The following COL25A1 variants were observed in gnomAD, a reference collection of about 807,000 sequenced individuals.
COL25A1 encodes collagen alpha-1(XXV) chain.
In COL25A1, 103 loss-of-function variants were observed where a neutral mutation model predicts 128.4. The ratio of observed to expected loss-of-function variants is 0.80; its 90% CI spans 0.68 to 0.94. COL25A1 has a LOEUF of 0.94. Ranked by LOEUF, COL25A1 falls within the 40% of genes least tolerant of loss-of-function variation. The probability of loss-of-function intolerance (pLI) is 0.00; values close to 1 mark genes in which losing one functional copy is unlikely to be tolerated. For synonymous variants in COL25A1, 279 were observed against 277.2 expected (o/e 1.01, Z -0.06); for missense variants, 745 against 840.0 (o/e 0.89, Z 1.40).
intron 19 of COL25A1, among the ~76,000 whole-genome samples, chr4:108,872,177 A>G (rs1195815120): frequency 6.6e-6 from 1 of 152,174 alleles, no homozygotes; most frequent in Non-Finnish European, 1.5e-5. Flanking sequence ...GCACTTTGGG[A>G]GGCCAAGGAG....
chr4:109,062,604 A>C (rs1560619821), intron 3 of COL25A1, among the ~76,000 whole-genome samples: 1 of 148,972 alleles, frequency 6.7e-6, no homozygotes, highest in Non-Finnish European at 1.5e-5. Flanking sequence ...ATTCAATAGA[A>C]TACATTTTCA....
At chr4:109,261,446 G>A (rs1008312422) in intron 3 of COL25A1, among the ~76,000 whole-genome samples, 9 of 152,160 alleles carry the variant, frequency 5.9e-5, no homozygotes, top group Admixed American at 1.3e-4. Flanking sequence ...GAACCTGGGT[G>A]AGTGTCAGGG....
intron 5 of COL25A1, among the ~76,000 whole-genome samples, chr4:109,039,381 A>G (rs1014938295): frequency 2.6e-5 from 4 of 152,148 alleles, no homozygotes; most frequent in Non-Finnish European, 4.4e-5. Context: ...CTTGAACTTT[A>G]TATTTCAGCT....
At chr4:109,244,132 T>TAGAA in intron 3 of COL25A1, among the ~76,000 whole-genome samples, 1 of 134,372 alleles carries the variant, frequency 7.4e-6, no homozygotes, top group Non-Finnish European at 1.6e-5. Context: ...TAAAGAGAAA[T>TAGAA]AGAAAGAAAG....
intron 3 of COL25A1, among the ~76,000 whole-genome samples, chr4:109,272,593 C>G (rs1782267436): frequency 6.6e-6 from 1 of 152,076 alleles, no homozygotes; most frequent in South Asian, 2.1e-4. Context: ...CAGAGTTTTT[C>G]CATCAAATGG....
At chr4:108,988,668 C>A (rs367589492) in intron 6 of COL25A1, among the ~76,000 whole-genome samples, 5 of 152,330 alleles carry the variant, frequency 3.3e-5, no homozygotes, top group African/African-American at 1.2e-4. Flanking sequence ...TTACTCCCCC[C>A]ACATTTTCAA....
At chr4:109,146,352 G>C (rs1323950882) in intron 3 of COL25A1, among the ~76,000 whole-genome samples, 1 of 152,112 alleles carries the variant, frequency 6.6e-6, no homozygotes, top group African/African-American at 2.4e-5. Context: ...AATCATAAAA[G>C]CATCCTGGAG....
intron 3 of COL25A1, among the ~76,000 whole-genome samples, chr4:109,114,920 A>T (rs1432474664): frequency 6.6e-6 from 1 of 152,120 alleles, no homozygotes; most frequent in Non-Finnish European, 1.5e-5. Context: ...AGTAAAGAAC[A>T]GCTTCAATAA....
intron 5 of COL25A1, among the ~76,000 whole-genome samples, chr4:109,011,665 T>C (rs1276055412): frequency 3.3e-5 from 5 of 152,244 alleles, no homozygotes; most frequent in Non-Finnish European, 4.4e-5. Flanking sequence ...TATAAATTTA[T>C]AGAAAAGCCA....
chr4:109,267,045 C>T (rs533330422), intron 3 of COL25A1, among the ~76,000 whole-genome samples: 1 of 152,254 alleles, frequency 6.6e-6, no homozygotes, highest in Admixed American at 6.5e-5. Flanking sequence ...TACTGGTGTG[C>T]ATTTTTTTAA....
chr4:109,109,111 T>C (rs113526102), intron 3 of COL25A1, among the ~76,000 whole-genome samples: 220 of 143,346 alleles, frequency 1.5e-3, no homozygotes, highest in African/African-American at 5.3e-3. Flanking sequence ...TTCTTTCTTT[T>C]GACAGAGACT....
chr4:109,014,665 C>T lies in COL25A1; in HGVS notation c.421-4290G>A, dbSNP rs907283633. Among the ~76,000 whole-genome samples the T allele has an allele frequency of 3.6e-4, 55 of 152,092 alleles. 1 individual carries two copies. The highest frequency in any genetic ancestry group is 2.9e-5 in the Non-Finnish European group (2 of 68,030). On this transcript the variant is annotated intron_variant, in intron 5 of 37. Transcript: ENST00000399132. ...ATGACTGTTTACTACTAAAAACTGA[C>T]ATCTATATAGGCATTGAAGAATTTA...
intron 3 of COL25A1, among the ~76,000 whole-genome samples, chr4:109,109,283 C>A (rs75912418): frequency 0.027 from 4,104 of 152,212 alleles, 206 homozygotes; most frequent in African/African-American, 0.093. Context: ...AACTGTCTAC[C>A]CAGAAATCGG....
intron 15 of COL25A1, among the ~76,000 whole-genome samples, chr4:108,898,776 T>G (rs1314124838): frequency 6.6e-6 from 1 of 152,150 alleles, no homozygotes; most frequent in East Asian, 1.9e-4. Flanking sequence ...TGAAACCCGT[T>G]TAAAAGCTTA....
chr4:109,018,560 T>G (rs574410222), intron 5 of COL25A1, among the ~76,000 whole-genome samples: 2 of 152,188 alleles, frequency 1.3e-5, no homozygotes, highest in Non-Finnish European at 2.9e-5. Context: ...TTACAAGAGT[T>G]GCAGTTTGAC....
At chr4:108,866,473 G>A (rs539065866) in intron 20 of COL25A1, among the ~76,000 whole-genome samples, 6 of 152,246 alleles carry the variant, frequency 3.9e-5, no homozygotes, top group South Asian at 2.1e-4. Context: ...GATTACAGGC[G>A]TAAGCCACCA....
intron 3 of COL25A1, among the ~76,000 whole-genome samples, chr4:109,289,998 T>A (rs992740244): frequency 5.3e-5 from 8 of 152,168 alleles, no homozygotes; most frequent in East Asian, 1.9e-4. Flanking sequence ...AAAGTACAGA[T>A]GTAATAACTT....
At chr4:109,204,013 T>C (rs1776779589) in intron 3 of COL25A1, among the ~76,000 whole-genome samples, 1 of 152,156 alleles carries the variant, frequency 6.6e-6, no homozygotes, top group African/African-American at 2.4e-5. Context: ...AAGCCAGCTA[T>C]CAATGGAAAA....
At chr4:109,229,192 CT>C (rs1305415382) in intron 3 of COL25A1, among the ~76,000 whole-genome samples, 2 of 152,206 alleles carry the variant, frequency 1.3e-5, no homozygotes, top group Non-Finnish European at 2.9e-5. Flanking sequence ...TTTGTAAGGT[CT>C]TCCTGATTAT....
Sources: gnomAD v4.1 joint callset for allele counts (sites outside exome capture counted in the v4.1 genomes callset) on GRCh38, gnomAD v4.1.1 for gene constraint, MANE v1.5 for transcripts, NCBI Gene and HGNC (gene_info 2026-07-23, HGNC 2026-07-21) for gene names.